Variants in CCDC68 observed in about 807,000 individuals in gnomAD.
The protein encoded by CCDC68 is coiled-coil domain-containing protein 68.
A neutral mutation model predicts 47.1 loss-of-function variants in CCDC68; 45 were observed. That is an observed-to-expected ratio of 0.96 (90% confidence interval 0.75 to 1.23). CCDC68 has a LOEUF of 1.23. Among genes scored for constraint, CCDC68 ranks in the 50% most tolerant of loss-of-function variants. The probability of loss-of-function intolerance (pLI) is 0.00; values close to 1 mark genes in which losing one functional copy is unlikely to be tolerated. For missense variants in CCDC68, 353 were observed against 373.6 expected, an observed-to-expected ratio of 0.94 and a Z score of 0.45; for synonymous variants, 131 against 129.5, an observed-to-expected ratio of 1.01 and a Z score of -0.08.
intron 4 of CCDC68, 88 bp downstream of exon 4, chr18:54,940,909 C>T (rs1418330172): frequency 4.6e-6 from 4 of 860,888 alleles, no homozygotes; most frequent in East Asian, 2.5e-5. Context: ...ACTCATCCTT[C>T]GAATCTTCAA....
At chr18:54,935,038 C>CA (rs2044321215) in intron 6 of CCDC68, 90 bp from the exon 7 acceptor site, 1 of 1,024,100 alleles carries the variant, frequency 9.8e-7, no homozygotes, top group Non-Finnish European at 1.3e-6. Flanking sequence ...TCTAATTAGC[C>CA]AAAAAAATTC....
intron 10 of CCDC68, among the ~76,000 whole-genome samples, chr18:54,910,918 A>T (rs1914325958): frequency 6.6e-6 from 1 of 152,204 alleles, no homozygotes; most frequent in South Asian, 2.1e-4. Context: ...TGCAAGGGCA[A>T]GGGGGGCCTT....
intron 1 of CCDC68, among the ~76,000 whole-genome samples, chr18:54,958,459 A>G (rs913938744): frequency 3.7e-4 from 56 of 152,228 alleles, no homozygotes; most frequent in Non-Finnish European, 1.5e-4. Context: ...CCTATCACAA[A>G]CACAGAATAA....
At chr18:54,915,916 G>A (rs1160639620) in intron 10 of CCDC68, among the ~76,000 whole-genome samples, 1 of 151,972 alleles carries the variant, frequency 6.6e-6, no homozygotes, top group Admixed American at 6.6e-5. Context: ...GCGACAGAGT[G>A]AGATCCTGTC....
chr18:54,929,188 C>T (rs181761037), intron 7 of CCDC68, among the ~76,000 whole-genome samples: 138 of 152,330 alleles, frequency 9.1e-4, no homozygotes, highest in Admixed American at 2.7e-3. Flanking sequence ...CATCCTACCA[C>T]ATGTAAACAT....
At chr18:54,926,759 C>G (rs571269038) in intron 8 of CCDC68, among the ~76,000 whole-genome samples, 33 of 152,250 alleles carry the variant, frequency 2.2e-4, no homozygotes, top group Middle Eastern at 3.4e-3. Flanking sequence ...GCAGAATGAG[C>G]TAATGCTTTG....
intron 8 of CCDC68, among the ~76,000 whole-genome samples, chr18:54,924,720 C>T (rs2044117483): frequency 6.6e-6 from 1 of 152,204 alleles, no homozygotes. Flanking sequence ...AGGAAGCCCA[C>T]CCTCAATTTC....
At chr18:54,906,735 C>G (rs992992138) in intron 11 of CCDC68, among the ~76,000 whole-genome samples, 1 of 152,218 alleles carries the variant, frequency 6.6e-6, no homozygotes, top group Non-Finnish European at 1.5e-5. Context: ...GGCATTTCCT[C>G]TCCTCCTGGG....
chr18:54,943,322 C>T (rs1381404476), intron 2 of CCDC68, among the ~76,000 whole-genome samples: 1 of 152,016 alleles, frequency 6.6e-6, no homozygotes, highest in Non-Finnish European at 1.5e-5. Flanking sequence ...TGCTATGGAG[C>T]CATCACTAGG....
At chr18:54,932,304 C>G (rs370704013) in intron 7 of CCDC68, among the ~76,000 whole-genome samples, 1 of 151,776 alleles carries the variant, frequency 6.6e-6, no homozygotes, top group Non-Finnish European at 1.5e-5. Flanking sequence ...CATGCCTCAG[C>G]CTCCAGAGTA....
chr18:54,948,775 G>A (rs1336874317), intron 1 of CCDC68, among the ~76,000 whole-genome samples: 1 of 152,192 alleles, frequency 6.6e-6, no homozygotes, highest in Non-Finnish European at 1.5e-5. Flanking sequence ...GCTGTGATGA[G>A]TGACGTGAAG....
intron 10 of CCDC68, among the ~76,000 whole-genome samples, chr18:54,914,834 C>T (rs1431480712): frequency 2.0e-5 from 3 of 152,132 alleles, no homozygotes; most frequent in African/African-American, 4.8e-5. Flanking sequence ...AATATACAAA[C>T]GGAGTACAAT....
intron 7 of CCDC68, among the ~76,000 whole-genome samples, chr18:54,930,413 G>A (rs530903154): frequency 2.0e-5 from 3 of 152,154 alleles, no homozygotes; most frequent in South Asian, 4.2e-4. Context: ...GCACATATTT[G>A]GACCTCAATA....
intron 7 of CCDC68, among the ~76,000 whole-genome samples, chr18:54,929,392 G>A (rs2044204738): frequency 6.6e-6 from 1 of 152,120 alleles, no homozygotes; most frequent in South Asian, 2.1e-4. Flanking sequence ...TTTCCAATTA[G>A]GATACAGGAG....
intron 8 of CCDC68, among the ~76,000 whole-genome samples, chr18:54,920,408 T>C (rs2044037739): frequency 6.6e-6 from 1 of 152,072 alleles, no homozygotes; most frequent in Admixed American, 6.6e-5. Flanking sequence ...ACCTGGCTAA[T>C]TTTTGTATTT....
At chr18:54,931,592 T>C (rs2044262461) in intron 7 of CCDC68, among the ~76,000 whole-genome samples, 1 of 152,180 alleles carries the variant, frequency 6.6e-6, no homozygotes, top group Admixed American at 6.5e-5. Flanking sequence ...AAAATGATGA[T>C]GAGGAACTAG....
At chr18:54,926,001 G>C (rs1490004908) in intron 8 of CCDC68, among the ~76,000 whole-genome samples, 1 of 152,132 alleles carries the variant, frequency 6.6e-6, no homozygotes, top group Non-Finnish European at 1.5e-5. Flanking sequence ...GGGGTGCCTT[G>C]AGAGAACACT....
At chr18:54,919,421 A>T in intron 8 of CCDC68, 45 bp from the exon 9 acceptor site, 1 of 1,431,854 alleles carries the variant, frequency 7.0e-7, no homozygotes, top group African/African-American at 1.4e-5. Context: ...TGATTGGCTC[A>T]CACGTTCCAT....
intron 8 of CCDC68, among the ~76,000 whole-genome samples, chr18:54,922,280 A>T (rs2044074065): frequency 6.6e-6 from 1 of 152,094 alleles, no homozygotes; most frequent in Non-Finnish European, 1.5e-5. Context: ...TGTTGCGGGG[A>T]GATGGAAGAG....
Sources: gnomAD v4.1 joint callset for allele counts (sites outside exome capture counted in the v4.1 genomes callset) on GRCh38, gnomAD v4.1.1 for gene constraint, MANE v1.5 for transcripts, NCBI Gene and HGNC (gene_info 2026-07-23, HGNC 2026-07-21) for gene names.